Variants in TJP1 observed in about 807,000 individuals in gnomAD.
TJP1 encodes tight junction protein ZO-1.
A neutral mutation model predicts 194.2 loss-of-function variants in TJP1; 43 were observed. The observed-to-expected ratio is 0.22, with a 90% CI of 0.17 to 0.29. The LOEUF (loss-of-function observed/expected upper bound fraction) is 0.29, where lower values mean the gene tolerates loss of function less well. Ranked by LOEUF, TJP1 falls within the 10% of genes least tolerant of loss-of-function variation. The pLI, the probability that TJP1 is intolerant of heterozygous loss-of-function variation, is 1.00. For synonymous variants in TJP1, 801 were observed against 779.0 expected (o/e 1.03, Z -0.47); for missense variants, 1,971 against 2,185.7 (o/e 0.90, Z 1.96).
chr15:29,951,482 A>C (rs2055750774), intron 2 of TJP1, among the ~76,000 whole-genome samples: 1 of 152,082 alleles, frequency 6.6e-6, no homozygotes, highest in Admixed American at 6.6e-5. Flanking sequence ...GCTTTTTTAT[A>C]TCAGGAGAAA....
chr15:29,728,366 G>T, intron 15 of TJP1: 1 of 202,966 alleles, frequency 4.9e-6, no homozygotes, highest in Non-Finnish European at 1.0e-5. Flanking sequence ...AATATTATTT[G>T]TATGGCACAC....
intron 1 of TJP1, chr15:29,820,466 A>T: frequency 1.4e-6 from 1 of 713,272 alleles, no homozygotes; most frequent in Non-Finnish European, 2.6e-6. Context: ...TTAACGAGTG[A>T]TGCTTTTCAA....
intron 2 of TJP1, among the ~76,000 whole-genome samples, chr15:29,863,020 C>T (rs1220849376): frequency 6.6e-6 from 1 of 151,060 alleles, no homozygotes; most frequent in Non-Finnish European, 1.5e-5. Flanking sequence ...CTTGTCTGGG[C>T]ACGGTGGCTC....
At chr15:29,722,277 T>G (rs545545032) in intron 18 of TJP1, among the ~76,000 whole-genome samples, 1 of 151,798 alleles carries the variant, frequency 6.6e-6, no homozygotes, top group African/African-American at 2.4e-5. Context: ...AGGGAAAAAA[T>G]GGTTTTGTGG....
chr15:29,812,256 T>C (rs1201932896), intron 1 of TJP1, among the ~76,000 whole-genome samples: 1 of 152,238 alleles, frequency 6.6e-6, no homozygotes, highest in African/African-American at 2.4e-5. Context: ...AGGTGAATGG[T>C]GTTTACACGG....
intron 2 of TJP1, among the ~76,000 whole-genome samples, chr15:29,788,850 A>C (rs2047882294): frequency 6.6e-6 from 1 of 152,214 alleles, no homozygotes; most frequent in Non-Finnish European, 1.5e-5. Context: ...AGTATCTGAA[A>C]ACTAAAAAGG....
At position 29,936,128 on chromosome 15, in the gene TJP1, C is replaced by T. The variant is rs550143035; in HGVS notation, c.306+20104G>A. Among the ~76,000 whole-genome samples the T allele has an allele frequency of 2.0e-5, 3 of 152,120 alleles. No homozygotes were observed. In the East Asian group the frequency reaches 5.8e-4, roughly 29 times the overall value. ...TTCCCTCCTCGCTGGGGGTTTCCTC[C>T]CTCCTATGCGCTAGAGTCCATCCAT... On this transcript the variant is annotated intron_variant, in intron 2 of 28. Coordinates refer to the TJP1 transcript ENST00000356107.
chr15:29,939,925 AC>A (rs970098318), intron 2 of TJP1, among the ~76,000 whole-genome samples: 2 of 151,820 alleles, frequency 1.3e-5, no homozygotes, highest in Non-Finnish European at 2.9e-5. Flanking sequence ...GTTGTTTATA[AC>A]CCCCCAACCC....
At position 29,831,725 on chromosome 15, in the gene TJP1, T is replaced by C. The variant is rs576363142; in HGVS notation, c.307-31023A>G. The stretch of plus-strand genomic sequence containing the variant: ...GTTAGATGGGACCTAGATGTGACAA[T>C]GGCATCATGACTACATAAGGAAGGG... On this transcript the variant is annotated intron_variant, in intron 2 of 28. Coordinates refer to the TJP1 transcript ENST00000356107. 2.1e-4 allele frequency among the ~76,000 whole-genome samples: 32 copies of C among 152,344 alleles called. No individual in the cohort carries two copies. The South Asian group carries it at 6.6e-3, about 32-fold the overall frequency.
At chr15:29,921,127 G>C in intron 2 of TJP1, among the ~76,000 whole-genome samples, 1 of 152,114 alleles carries the variant, frequency 6.6e-6, no homozygotes, top group Admixed American at 6.5e-5. Context: ...GTGGGAGGGA[G>C]GGACTCTCCC....
At chr15:29,745,330 TAA>T (rs1029148653) in intron 8 of TJP1, among the ~76,000 whole-genome samples, 1 of 145,780 alleles carries the variant, frequency 6.9e-6, no homozygotes, top group African/African-American at 2.5e-5. Context: ...TAATGAATAT[TAA>T]AGACTACTGA....
At chr15:29,871,493 G>C (rs1269717703) in intron 2 of TJP1, among the ~76,000 whole-genome samples, 2 of 152,228 alleles carry the variant, frequency 1.3e-5, no homozygotes, top group Non-Finnish European at 2.9e-5. Flanking sequence ...TCTGAGACTT[G>C]CTCATCAGAA....
chr15:29,899,632 G>A (rs1159962362), intron 2 of TJP1, among the ~76,000 whole-genome samples: 2 of 152,172 alleles, frequency 1.3e-5, no homozygotes, highest in Non-Finnish European at 1.5e-5. Context: ...AAATGGAACA[G>A]CCACATCTAC....
Position 29,909,154 on chromosome 15 carries a change from C to G in TJP1, c.306+47078G>C, listed in dbSNP as rs71470932. Reference sequence around the variant, plus strand: ...CCTGGGGAACAGAGGGAGACTCCATCTCAAAAAAAAAAAAAAAGAAAAGAA... The same window carrying G: ...CCTGGGGAACAGAGGGAGACTCCATGTCAAAAAAAAAAAAAAAGAAAAGAA... On this transcript the variant is annotated intron_variant, in intron 2 of 28. Coordinates refer to the TJP1 transcript ENST00000356107. 1.8e-4 allele frequency among the ~76,000 whole-genome samples: 24 copies of G among 130,716 alleles called. No homozygotes were observed. The East Asian group carries it at 5.5e-3, about 30-fold the overall frequency. The allele number at this position is 130,716 out of a possible 152,430, so 85.8% of individuals were successfully genotyped here.
intron 23 of TJP1, among the ~76,000 whole-genome samples, chr15:29,715,090 T>C (rs1008021214): frequency 3.3e-5 from 5 of 152,226 alleles, no homozygotes; most frequent in African/African-American, 1.2e-4. Flanking sequence ...AATGAATTCC[T>C]GTAACACTGT....
At chr15:29,874,671 C>G (rs1476400074) in intron 2 of TJP1, among the ~76,000 whole-genome samples, 1 of 152,152 alleles carries the variant, frequency 6.6e-6, no homozygotes, top group Non-Finnish European at 1.5e-5. Flanking sequence ...GCAAAACCAT[C>G]ATTTTAAAAA....
chr15:29,949,523 A>G (rs62649078), intron 2 of TJP1, among the ~76,000 whole-genome samples: 2 of 125,938 alleles, frequency 1.6e-5, no homozygotes, highest in East Asian at 2.5e-4. Flanking sequence ...CACCTCCACC[A>G]CCACCACCTC....
At chr15:29,875,215 G>A (rs785437) in intron 2 of TJP1, among the ~76,000 whole-genome samples, 119,558 of 152,204 alleles carry the variant, frequency 0.79, 47,732 homozygotes, top group African/African-American at 0.9. Context: ...TGTCCTGTTA[G>A]GTGTGCAGCC....
Position 29,705,719 on chromosome 15 carries a change from T to G in TJP1, c.4877A>C (p.Asp1626Ala), listed in dbSNP as rs756804023. The G allele has an allele frequency of 2.5e-6, 4 of 1,614,176 alleles. No individual in the cohort carries two copies. In the South Asian group the frequency reaches 3.3e-5, roughly 13 times the overall value. The change falls in exon 26 of 28, where the codon GAT (aspartate) becomes GCT (alanine). Residue 1626 changes from aspartate (D) to alanine (A), a missense_variant. Physicochemically the swap from Asp to Ala is moderately radical, Grantham distance 126. Around this residue, in one of 5 missense-constraint regions of TJP1, gnomAD observed 1,108 missense variants for 1,128.5 expected, o/e 0.98. Coordinates refer to ENST00000614355, the MANE Select transcript of TJP1 (RefSeq NM_001330239.4). The part of the protein sequence containing the change: ...VSPSAVEEDE[D>A]EDGHTVVATA... Reference sequence around the variant, plus strand: ...GGCCACCACAGTATGACCATCTTCATCTTCATCCTCTTCCACAGCTGAAGG... The same window carrying G: ...GGCCACCACAGTATGACCATCTTCAGCTTCATCCTCTTCCACAGCTGAAGG...
Sources: gnomAD v4.1 joint callset for allele counts (sites outside exome capture counted in the v4.1 genomes callset) on GRCh38, gnomAD v4.1.1 for gene constraint, gnomAD v4.1.1 regional missense constraint, MANE v1.5 for transcripts, NCBI Gene and HGNC (gene_info 2026-07-23, HGNC 2026-07-21) for gene names.